ALMS1: variants seen among roughly 807,000 people sequenced by gnomAD.
ALMS1 encodes the protein ALMS1 centrosome and basal body associated protein.
Under a neutral mutation model 352.2 loss-of-function variants are expected in ALMS1, and 271 were observed. The ratio of observed to expected loss-of-function variants is 0.77; its 90% CI spans 0.70 to 0.85. ALMS1 has a LOEUF of 0.85. Among genes scored for constraint, ALMS1 ranks in the 40% least tolerant of loss-of-function variants. ALMS1 has a pLI of 0.00. For missense variants in ALMS1, 5,445 were observed against 4,870.7 expected (o/e 1.12, Z -3.51); for synonymous variants, 1,865 against 1,761.2 (o/e 1.06, Z -1.48).
At chr2:73,413,652 C>T (rs13383703) in intron 2 of ALMS1, among the ~76,000 whole-genome samples, 4 of 152,136 alleles carry the variant, frequency 2.6e-5, no homozygotes, top group Non-Finnish European at 5.9e-5. Flanking sequence ...AACTGAGAAC[C>T]GCTTTTTCAG....
At position 73,449,129 on chromosome 2, in the gene ALMS1, A is replaced by T. The variant is rs1671872800; in HGVS notation, c.2602A>T (p.Ser868Cys). 6.2e-7 allele frequency: 1 copy of T among 1,613,990 alleles called. No homozygotes were observed. Among genetic ancestry groups the T allele is most frequent in the East Asian group, 2.2e-5 (1 of 44,860 alleles). ...SASSSLGEKP[S>C]AFYQQTLPNS... ...GTCCTCTTCACTTGGAGAAAAGCCC[A>T]GTGCTTTCTATCAGCAGACCTTACC... is the stretch of plus-strand genomic sequence containing the variant. The change falls in exon 8 of 23, where the codon AGT becomes TGT. Residue 868 changes from serine to cysteine, a missense_variant. Physicochemically the swap from Ser to Cys is moderately radical, Grantham distance 112. Coordinates refer to ENST00000613296, the MANE Select transcript of ALMS1 (RefSeq NM_001378454.1).
intron 16 of ALMS1, 83 bp from the exon 17 acceptor site, chr2:73,599,318 A>G: frequency 6.4e-7 from 1 of 1,552,052 alleles, no homozygotes; most frequent in Admixed American, 1.7e-5. Context: ...GATTAGAAAG[A>G]GGACTTGTTG....
In ALMS1 at chr2:73,453,510, G is replaced by T; in HGVS notation, c.6983G>T (p.Ser2328Ile). The T allele has an allele frequency of 1.2e-6, 2 of 1,613,692 alleles. No homozygotes were observed. The highest frequency in any genetic ancestry group is 1.7e-6 in the Non-Finnish European group (2 of 1,179,960). Residue 2328 changes from serine to isoleucine, a missense_variant, in exon 8 of 23, where the codon AGC becomes ATC. Transcript: ENST00000613296. ...CAGCCATTCACAGAGGAAAGCCCAA[G>T]CAGCAGGTGCATACAGAAGGATATT... ...HRQPFTEESP[S>I]SRCIQKDIGT...
intron 16 of ALMS1, among the ~76,000 whole-genome samples, chr2:73,595,179 C>T (rs192796890): frequency 1.6e-4 from 25 of 152,294 alleles, no homozygotes; most frequent in South Asian, 1.0e-3. Flanking sequence ...AGCCCTCCTT[C>T]GCAGAGGTAT....
chr2:73,546,508 A>T lies in ALMS1; in HGVS notation c.9908-3759A>T, dbSNP rs181812416. ...CTCAAAATAAACTATAATGGAGTTT[A>T]TGTTCACGTTGGTTGACAGATATTA... On this transcript the variant is annotated intron_variant, in intron 12 of 22. Transcript: ENST00000613296. Among the ~76,000 whole-genome samples the T allele has an allele frequency of 2.0e-5, 3 of 152,376 alleles. No individual in the cohort carries two copies. The East Asian group carries it at 5.8e-4, about 29-fold the overall frequency.
chr2:73,487,489 A>G (rs1672876325), intron 9 of ALMS1, among the ~76,000 whole-genome samples: 1 of 152,194 alleles, frequency 6.6e-6, no homozygotes, highest in Non-Finnish European at 1.5e-5. Flanking sequence ...AGGAACCACA[A>G]AACCCCAAAG....
chr2:73,567,989 A>G (rs1169149882), intron 15 of ALMS1, among the ~76,000 whole-genome samples: 1 of 152,184 alleles, frequency 6.6e-6, no homozygotes, highest in Admixed American at 6.5e-5. Context: ...AACTGAGAAA[A>G]GGGGCTAATT....
intron 16 of ALMS1, among the ~76,000 whole-genome samples, chr2:73,581,879 G>A (rs1295900855): frequency 6.6e-6 from 1 of 151,960 alleles, no homozygotes; most frequent in Non-Finnish European, 1.5e-5. Flanking sequence ...CGAGTAGCTG[G>A]GACTACAGGT....
chr2:73,589,793 A>G (rs1226304141), intron 16 of ALMS1, among the ~76,000 whole-genome samples: 2 of 152,206 alleles, frequency 1.3e-5, no homozygotes. Context: ...ACCACAGAAC[A>G]TGGCAGTGCT....
At chr2:73,521,532 C>T (rs1251463385) in intron 11 of ALMS1, among the ~76,000 whole-genome samples, 5 of 145,642 alleles carry the variant, frequency 3.4e-5, no homozygotes, top group South Asian at 2.2e-4. Flanking sequence ...GTCAGGAGAT[C>T]GAGACCGTCC....
intron 12 of ALMS1, among the ~76,000 whole-genome samples, chr2:73,544,442 C>G (rs979697378): frequency 2.6e-5 from 4 of 152,146 alleles, no homozygotes; most frequent in African/African-American, 9.6e-5. Flanking sequence ...GTGCAGCACA[C>G]CAACATGGCA....
chr2:73,572,266 C>A lies in ALMS1; in HGVS notation c.10389C>A (p.Ser3463=). The A allele has an allele frequency of 6.2e-7, 1 of 1,603,394 alleles. No homozygotes were observed. ...KESLQINIEE[S]ECHSEFENTT... The stretch of plus-strand genomic sequence containing the variant: ...ATCTTTTTTTCTCCTTTTCAGAGTC[C>A]GAATGTCATTCAGAATTTGAAAATA... The change falls in exon 16 of 23, where the codon TCC becomes TCA. Residue 3463 remains serine (S), a synonymous_variant. Coordinates refer to ENST00000613296, the MANE Select transcript of ALMS1 (RefSeq NM_001378454.1).
At chr2:73,569,177 G>A (rs547901879) in intron 15 of ALMS1, among the ~76,000 whole-genome samples, 1 of 151,736 alleles carries the variant, frequency 6.6e-6, no homozygotes, top group Non-Finnish European at 1.5e-5. Flanking sequence ...ACCGCACCTG[G>A]CTAATTTTTG....
chr2:73,594,037 A>G (rs1675493610), intron 16 of ALMS1, among the ~76,000 whole-genome samples: 1 of 152,226 alleles, frequency 6.6e-6, no homozygotes, highest in Admixed American at 6.5e-5. Context: ...TGCTATGAAT[A>G]TTCATGTAGA....
chr2:73,430,224 C>G (rs1671472173), intron 6 of ALMS1, among the ~76,000 whole-genome samples: 1 of 151,798 alleles, frequency 6.6e-6, no homozygotes, highest in African/African-American at 2.4e-5. Context: ...CTACAGGTGC[C>G]CGCCCCCATG....
At chr2:73,477,710 G>A (rs966456844) in intron 9 of ALMS1, among the ~76,000 whole-genome samples, 2 of 151,976 alleles carry the variant, frequency 1.3e-5, no homozygotes, top group African/African-American at 4.8e-5. Context: ...ATATTCTCAA[G>A]TATTTAATTC....
In ALMS1 at chr2:73,572,812, G is replaced by C; in HGVS notation, c.10935G>C (p.Gln3645His). Reference sequence around the variant, plus strand: ...AGAATCCAATCACACATTCTCTCCAGGTCTCAGAAAGTACACATGATGATA... The same window carrying C: ...AGAATCCAATCACACATTCTCTCCACGTCTCAGAAAGTACACATGATGATA... ...ILQNPITHSL[Q>H]VSESTHDDSR... is the part of the protein sequence containing the mutation. The change falls in exon 16 of 23, where the codon CAG becomes CAC. Residue 3645 changes from glutamine (Q) to histidine (H), a missense_variant. Physicochemically the swap from Gln to His is conservative, Grantham distance 24. Transcript: ENST00000613296. The C allele has an allele frequency of 6.2e-7, 1 of 1,613,992 alleles. No individual in the cohort carries two copies. The highest frequency in any genetic ancestry group is 8.5e-7 in the Non-Finnish European group (1 of 1,179,990).
chr2:73,569,510 G>T (rs1241636260), intron 15 of ALMS1, among the ~76,000 whole-genome samples: 3 of 151,986 alleles, frequency 2.0e-5, no homozygotes, highest in African/African-American at 7.3e-5. Flanking sequence ...TGTTGCCAAG[G>T]TATCCTTCCT....
chr2:73,548,458 T>C (rs1029583364), intron 12 of ALMS1, among the ~76,000 whole-genome samples: 13 of 152,206 alleles, frequency 8.5e-5, no homozygotes, highest in Non-Finnish European at 1.5e-5. Flanking sequence ...CTCTTGCTTA[T>C]TCACCCACTG....
Sources: allele counts gnomAD v4.1 joint callset (sites outside exome capture counted in the v4.1 genomes callset), GRCh38; gene constraint gnomAD v4.1.1; transcripts MANE v1.5; gene names NCBI Gene and HGNC (gene_info 2026-07-23, HGNC 2026-07-21).